The following AFG1L variants were observed in gnomAD, a reference collection of about 807,000 sequenced individuals.
The protein encoded by AFG1L is AFG1 like ATPase.
A neutral mutation model predicts 62.2 loss-of-function variants in AFG1L; 53 were observed. The ratio of observed to expected loss-of-function variants is 0.85; its 90% CI spans 0.68 to 1.07. The LOEUF (loss-of-function observed/expected upper bound fraction) is 1.07. Among genes scored for constraint, AFG1L ranks in the 50% least tolerant of loss-of-function variants. AFG1L has a pLI of 0.00. For synonymous variants in AFG1L, 228 were observed against 210.3 expected (o/e 1.08, Z -0.73); for missense variants, 555 against 590.5 (o/e 0.94, Z 0.62).
intron 7 of AFG1L, among the ~76,000 whole-genome samples, chr6:108,425,416 A>ATGTGTGTGTGTGTGTGTGTGTATG (rs374947584): frequency 1.3e-5 from 2 of 150,748 alleles, no homozygotes; most frequent in African/African-American, 4.9e-5. Context: ...TAAATAGTGT[A>ATGTGTGTGTGTGTGTGTGTGTATG]TGTGTGTGTG....
intron 1 of AFG1L, among the ~76,000 whole-genome samples, chr6:108,320,453 T>C (rs1041525614): frequency 6.6e-6 from 1 of 152,186 alleles, no homozygotes; most frequent in Non-Finnish European, 1.5e-5. Flanking sequence ...GAACAAAGAA[T>C]AGTGGTCAGA....
intron 7 of AFG1L, among the ~76,000 whole-genome samples, chr6:108,429,388 A>G (rs1040336734): frequency 1.3e-5 from 2 of 152,160 alleles, no homozygotes; most frequent in African/African-American, 4.8e-5. Context: ...ACTCTCCTTT[A>G]TAAAACCATC....
chr6:108,505,294 A>G lies in AFG1L; in HGVS notation c.1063-4918A>G, dbSNP rs1350824529. On this transcript the variant is annotated intron_variant, in intron 10 of 12. Coordinates refer to ENST00000368977, the MANE Select transcript of AFG1L (RefSeq NM_145315.5). ...TTTTTAGTAGAGATGGGGTTTCACC[A>G]TCTTGGCCAGGCTGGTCTTGAACTC... Among the ~76,000 whole-genome samples the G allele has an allele frequency of 2.6e-5, 4 of 152,188 alleles. No homozygotes were observed. The East Asian group carries it at 5.8e-4, about 22-fold the overall frequency.
intron 1 of AFG1L, among the ~76,000 whole-genome samples, chr6:108,309,749 C>T (rs2114835960): frequency 6.6e-6 from 1 of 152,152 alleles, no homozygotes; most frequent in African/African-American, 2.4e-5. Flanking sequence ...AGATGTGTTG[C>T]AGGTGTCAAA....
intron 8 of AFG1L, among the ~76,000 whole-genome samples, chr6:108,461,376 T>C (rs1307841058): frequency 2.6e-5 from 4 of 152,234 alleles, no homozygotes; most frequent in Admixed American, 2.6e-4. Context: ...TGTACACTTA[T>C]AACTGTATAT....
chr6:108,487,578 A>C (rs1337173351), intron 10 of AFG1L, among the ~76,000 whole-genome samples: 5 of 152,188 alleles, frequency 3.3e-5, no homozygotes, highest in Non-Finnish European at 5.9e-5. Context: ...TAGCTGTAAC[A>C]GTCTCCTTTA....
intron 10 of AFG1L, among the ~76,000 whole-genome samples, chr6:108,486,552 A>C (rs1013957686): frequency 6.6e-6 from 1 of 152,210 alleles, no homozygotes; most frequent in Non-Finnish European, 1.5e-5. Flanking sequence ...AAAACTAGAA[A>C]GGAGCAAAGG....
chr6:108,456,308 C>G (rs1019565321), intron 8 of AFG1L, among the ~76,000 whole-genome samples: 16 of 152,018 alleles, frequency 1.1e-4, no homozygotes, highest in African/African-American at 3.9e-4. Context: ...TTCAGCCTAT[C>G]TGTGTCTTTA....
intron 1 of AFG1L, among the ~76,000 whole-genome samples, chr6:108,308,851 G>A (rs540723070): frequency 8.6e-5 from 13 of 151,960 alleles, no homozygotes; most frequent in Admixed American, 2.6e-4. Flanking sequence ...GACTACAGGC[G>A]TGTGCCACCA....
chr6:108,402,272 G>A (rs951194191), intron 7 of AFG1L, among the ~76,000 whole-genome samples: 2 of 152,050 alleles, frequency 1.3e-5, no homozygotes, highest in African/African-American at 4.8e-5. Flanking sequence ...AGACCAACCT[G>A]ACCAACATGG....
chr6:108,517,548 C>A (rs976948087), intron 11 of AFG1L, among the ~76,000 whole-genome samples: 26 of 152,140 alleles, frequency 1.7e-4, no homozygotes, highest in Non-Finnish European at 3.2e-4. Context: ...ACCATAAAAA[C>A]CTTAGAAGAA....
At chr6:108,390,771 C>T (rs1781019615) in intron 6 of AFG1L, among the ~76,000 whole-genome samples, 1 of 152,174 alleles carries the variant, frequency 6.6e-6, no homozygotes, top group Non-Finnish European at 1.5e-5. Flanking sequence ...GTCAGTCTGA[C>T]CCTGCTGGGG....
chr6:108,378,291 C>T (rs551059143), intron 6 of AFG1L, among the ~76,000 whole-genome samples: 6 of 151,882 alleles, frequency 4.0e-5, no homozygotes, highest in African/African-American at 1.4e-4. Context: ...TCCTTGCAAG[C>T]CATGCTTTGA....
intron 6 of AFG1L, among the ~76,000 whole-genome samples, chr6:108,386,800 T>C (rs1399058019): frequency 6.6e-6 from 1 of 152,202 alleles, no homozygotes; most frequent in Non-Finnish European, 1.5e-5. Flanking sequence ...ACGAATGCAG[T>C]GTTTCTACAT....
chr6:108,404,435 G>A (rs1236021425), intron 7 of AFG1L, among the ~76,000 whole-genome samples: 1 of 152,012 alleles, frequency 6.6e-6, no homozygotes, highest in Non-Finnish European at 1.5e-5. Flanking sequence ...TCTTAGTAAA[G>A]CCTGCTTTAT....
chr6:108,449,394 A>T (rs1270423015), intron 8 of AFG1L, among the ~76,000 whole-genome samples: 1 of 152,126 alleles, frequency 6.6e-6, no homozygotes, highest in East Asian at 1.9e-4. Context: ...GAGAAGGCAG[A>T]TATGTAAGTA....
In AFG1L at chr6:108,431,985, T is replaced by C. The variant is rs1246616823; in HGVS notation, c.808-15229T>C. Among the ~76,000 whole-genome samples the C allele has an allele frequency of 6.6e-5, 10 of 150,544 alleles. No homozygotes were observed. The Admixed American group carries it at 6.7e-4, about 10-fold the overall frequency. On this transcript the variant is annotated intron_variant, in intron 7 of 12. Transcript: ENST00000368977. ...CTGACAGGGAGACCCTACAACTCTC[T>C]GTGCTGGTCTTCAGTGATACACTTG...
chr6:108,295,508 A>G (rs1340773952), intron 1 of AFG1L, among the ~76,000 whole-genome samples: 1 of 151,980 alleles, frequency 6.6e-6, no homozygotes, highest in African/African-American at 2.4e-5. Flanking sequence ...GCCTGGCTTG[A>G]AGAGATGCAG....
At chr6:108,368,061 A>T (rs927815318) in intron 6 of AFG1L, among the ~76,000 whole-genome samples, 22 of 152,042 alleles carry the variant, frequency 1.4e-4, no homozygotes, top group African/African-American at 5.3e-4. Context: ...CTCTCATTCT[A>T]TGTTTGTGTA....
Sources: allele counts gnomAD v4.1 joint callset (sites outside exome capture counted in the v4.1 genomes callset), GRCh38; gene constraint gnomAD v4.1.1; transcripts MANE v1.5; gene names NCBI Gene and HGNC (gene_info 2026-07-23, HGNC 2026-07-21).